TCP11L1: variants seen among roughly 807,000 people sequenced by gnomAD.
TCP11L1 encodes the protein T-complex protein 11-like protein 1.
Under a neutral mutation model 48.9 loss-of-function variants are expected in TCP11L1, and 28 were observed. That is an observed-to-expected ratio of 0.57 (90% CI 0.42 to 0.78). The LOEUF (loss-of-function observed/expected upper bound fraction) is 0.78. Among genes scored for constraint, TCP11L1 ranks in the 30% least tolerant of loss-of-function variants. The probability of loss-of-function intolerance (pLI) is 0.00; values close to 1 mark genes in which losing one functional copy is unlikely to be tolerated. For synonymous variants in TCP11L1, 204 were observed against 231.9 expected (o/e 0.88, Z 1.09); for missense variants, 505 against 613.4 (o/e 0.82, Z 1.87).
chr11:33,069,839 T>TC (rs1174409211), intron 9 of TCP11L1, among the ~76,000 whole-genome samples: 1 of 152,146 alleles, frequency 6.6e-6, no homozygotes, highest in African/African-American at 2.4e-5. Flanking sequence ...ATTCCTGGAC[T>TC]CAAGTGATCC....
rs765363507 is a variant in TCP11L1, at chr11:33,057,931, T to C, written c.430T>C (p.Phe144Leu). 2 of 1,613,442 alleles carry C rather than the reference T, an allele frequency of 1.2e-6. 1 individual carries two copies. The highest frequency in any genetic ancestry group is 1.7e-6 in the Non-Finnish European group (2 of 1,179,890). Residue 144 changes from phenylalanine to leucine, a missense_variant, in exon 5 of 10, where the codon TTC becomes CTC. Phe to Leu is a conservative substitution (Grantham distance 22). This residue lies in a region of TCP11L1 where 168 missense variants were observed against 183.5 expected (regional missense o/e 0.92). Coordinates refer to ENST00000334274, the MANE Select transcript of TCP11L1 (RefSeq NM_018393.4). ...TGTTCTCTTGTAGACTCTCTTATCT[T>C]TCTTGCTGCCTGGTCATACTAGACT... ...VGEIKETLLS[F>L]LLPGHTRLRN...
intron 7 of TCP11L1, among the ~76,000 whole-genome samples, chr11:33,062,519 A>G (rs1407044): frequency 0.71 from 107,296 of 152,090 alleles, 38,030 homozygotes; most frequent in East Asian, 0.87. Context: ...ATAACATAAA[A>G]TTTACCATTT....
intron 2 of TCP11L1, among the ~76,000 whole-genome samples, chr11:33,049,123 G>A (rs371407233): frequency 4.6e-5 from 7 of 151,968 alleles, no homozygotes; most frequent in Admixed American, 2.6e-4. Context: ...GGTGGCACAC[G>A]CCTGTAGTCC....
chr11:33,059,245 G>A, intron 6 of TCP11L1, 150 bp downstream of exon 6: 3 of 1,061,412 alleles, frequency 2.8e-6, no homozygotes, highest in Non-Finnish European at 4.0e-6. Context: ...CAAAATGTTG[G>A]GACTACATCT....
At chr11:33,068,203 G>A (rs541855498) in intron 8 of TCP11L1, among the ~76,000 whole-genome samples, 4 of 152,214 alleles carry the variant, frequency 2.6e-5, no homozygotes, top group South Asian at 2.1e-4. Flanking sequence ...GATTATAGGC[G>A]TGAGCCACTG....
In TCP11L1 at chr11:33,058,007, C is replaced by CAG; in HGVS notation, c.510_511dup (p.Asn171ArgfsTer5). 1 of 1,614,092 alleles carries CAG rather than the reference C, an allele frequency of 6.2e-7. No homozygotes were observed. The highest frequency in any genetic ancestry group is 8.5e-7 in the Non-Finnish European group (1 of 1,180,020). Reference sequence around the variant, plus strand: ...GATCTGGATCTGATAAAGCAGGAAGCAGAGAATGGGGCGCTAGACATTTCC... The same window carrying CAG: ...GATCTGGATCTGATAAAGCAGGAAGCAGAGAGAATGGGGCGCTAGACATTTCC... On this transcript the variant is annotated frameshift_variant, in exon 5 of 10. Transcript: ENST00000334274. LOFTEE classifies it high-confidence loss of function.
Position 33,057,140 on chromosome 11 carries a change from G to A in TCP11L1, c.322G>A (p.Val108Ile), listed in dbSNP as rs780889755. The change falls in exon 4 of 10, where the codon GTA becomes ATA. Residue 108 changes from valine to isoleucine, a missense_variant. By Grantham distance (29) the Val-to-Ile change is conservative. Coordinates refer to ENST00000334274, the MANE Select transcript of TCP11L1 (RefSeq NM_018393.4). ...CTTGAAGAAGAGAGTAAAGGAGATT[G>A]TACATAAAGCGTTTTGGGATTGCTT... Reference protein sequence around the residue: ...NSLKKRVKEIVHKAFWDCLSV... With the variant: ...NSLKKRVKEIIHKAFWDCLSV... 2.5e-6 allele frequency: 4 copies of A among 1,613,760 alleles called. No homozygotes were observed. The African/African-American group carries it at 5.3e-5, about 22-fold the overall frequency.
At chr11:33,045,750 A>G (rs117901415) in intron 2 of TCP11L1, among the ~76,000 whole-genome samples, 6,638 of 152,232 alleles carry the variant, frequency 0.044, 270 homozygotes, top group Admixed American at 0.092. Context: ...TTAAGAGTGC[A>G]TAAAGTGGGT....
Position 33,072,583 on chromosome 11 carries a change from T to G in TCP11L1, c.1437T>G (p.Val479=). 6.2e-7 allele frequency: 1 copy of G among 1,614,144 alleles called. No homozygotes were observed. Among genetic ancestry groups the G allele is most frequent in the Non-Finnish European group, 8.5e-7 (1 of 1,180,030 alleles). The stretch of plus-strand genomic sequence containing the variant: ...CAGTTCAGAGAGAGCTGGAGGAAGT[T>G]GCTATTAAATTTGCTCGCCTGGTCA... The part of the protein sequence containing the change: ...LSPVQRELEE[V]AIKFARLVNY... Residue 479 remains valine (V), a synonymous_variant, in exon 10 of 10, where the codon GTT becomes GTG. Transcript: ENST00000334274.
At chr11:33,043,708 A>G (rs1359651025) in intron 1 of TCP11L1, 42 bp from the exon 2 acceptor site, 2 of 1,521,832 alleles carry the variant, frequency 1.3e-6, no homozygotes, top group Non-Finnish European at 1.8e-6. Context: ...TGACAGAGCT[A>G]GAATACTTTT....
chr11:33,064,136 C>T (rs879862876), intron 7 of TCP11L1, among the ~76,000 whole-genome samples: 8 of 151,736 alleles, frequency 5.3e-5, no homozygotes, highest in Non-Finnish European at 7.4e-5. Flanking sequence ...TAAACCCTCT[C>T]GTAAAAAAAA....
chr11:33,047,378 C>T (rs1454487060), intron 2 of TCP11L1, among the ~76,000 whole-genome samples: 3 of 152,166 alleles, frequency 2.0e-5, no homozygotes, highest in Non-Finnish European at 4.4e-5. Context: ...TCAACTGTAA[C>T]TTAACAATGT....
Position 33,072,536 on chromosome 11 carries a change from A to G in TCP11L1, c.1390A>G (p.Thr464Ala), listed in dbSNP as rs1372679863. The G allele has an allele frequency of 1.2e-6, 2 of 1,614,044 alleles. No individual in the cohort carries two copies. The highest frequency in any genetic ancestry group is 1.7e-5 in the Admixed American group (1 of 59,996). ...CTCGGGTCATCAGAAGCCATTGCCC[A>G]CAGTCCCTGGGGGACTCAGTCCAGT... ...LASGHQKPLP[T>A]VPGGLSPVQR... The change falls in exon 10 of 10, where the codon ACA becomes GCA. Residue 464 changes from threonine (T) to alanine (A), a missense_variant. Physicochemically the swap from Thr to Ala is moderately conservative, Grantham distance 58. Around this residue, in one of 3 missense-constraint regions of TCP11L1, gnomAD observed 335 missense variants for 413.3 expected, o/e 0.81. Transcript: ENST00000334274.
Position 33,065,847 on chromosome 11 carries a change from G to A in TCP11L1, c.990G>A (p.Gln330=). The stretch of plus-strand genomic sequence containing the variant: ...CATTACAGACAGTTTTAATGGACCA[G>A]TCTCGCTTCCACGAGCTCCAGTTGC... ...RPFPETVLMD[Q]SRFHELQLQL... Residue 330 remains glutamine (Q), a synonymous_variant, in exon 8 of 10, where the codon CAG becomes CAA. Transcript: ENST00000334274. The A allele has an allele frequency of 6.2e-7, 1 of 1,614,024 alleles. No individual in the cohort carries two copies.
In TCP11L1 at chr11:33,057,148, A is replaced by G; in HGVS notation, c.330A>G (p.Lys110=). The change falls in exon 4 of 10, where the codon AAA becomes AAG. Residue 110 remains lysine, a synonymous_variant. Transcript: ENST00000334274. ...AGAGAGTAAAGGAGATTGTACATAA[A>G]GCGTTTTGGGATTGCTTGAGTGTGC... is the stretch of plus-strand genomic sequence containing the variant. The part of the protein sequence containing the change: ...LKKRVKEIVH[K]AFWDCLSVQL... 1 of 1,614,060 alleles carries G rather than the reference A, an allele frequency of 6.2e-7. No homozygotes were observed.
chr11:33,046,086 C>G (rs763934451), intron 2 of TCP11L1, among the ~76,000 whole-genome samples: 1 of 152,244 alleles, frequency 6.6e-6, no homozygotes, highest in Non-Finnish European at 1.5e-5. Flanking sequence ...ATTCAAGCCA[C>G]GAAGGGTTTT....
At chr11:33,049,756 A>G (rs1361537196) in intron 2 of TCP11L1, among the ~76,000 whole-genome samples, 1 of 152,226 alleles carries the variant, frequency 6.6e-6, no homozygotes, top group Non-Finnish European at 1.5e-5. Flanking sequence ...GTTTTACACC[A>G]AGACATTCTA....
intron 2 of TCP11L1, among the ~76,000 whole-genome samples, chr11:33,049,334 A>T (rs1030891390): frequency 2.6e-5 from 4 of 151,704 alleles, no homozygotes; most frequent in Non-Finnish European, 5.9e-5. Context: ...TAAGACATTG[A>T]TTATTTTTGA....
At chr11:33,067,725 C>G (rs1854657946) in intron 8 of TCP11L1, among the ~76,000 whole-genome samples, 1 of 152,128 alleles carries the variant, frequency 6.6e-6, no homozygotes, top group South Asian at 2.1e-4. Flanking sequence ...TCCCATGCCC[C>G]CCAGTAATTC....
Sources: gnomAD v4.1 joint callset for allele counts (sites outside exome capture counted in the v4.1 genomes callset) on GRCh38, gnomAD v4.1.1 for gene constraint, gnomAD v4.1.1 regional missense constraint, MANE v1.5 for transcripts, NCBI Gene and HGNC (gene_info 2026-07-23, HGNC 2026-07-21) for gene names.